Variants in MOB1A observed in about 807,000 individuals in gnomAD.
MOB1A encodes the protein MOB kinase activator 1A, also known as MOB1 Mps One Binder homolog A.
Under a neutral mutation model 25.1 loss-of-function variants are expected in MOB1A, and 10 were observed. That is an observed-to-expected ratio of 0.40 (90% CI 0.25 to 0.68). The LOEUF (loss-of-function observed/expected upper bound fraction) is 0.68, where lower values mean the gene tolerates loss of function less well. MOB1A is among the 30% of genes least tolerant of loss of function. MOB1A has a pLI of 0.40. For missense variants in MOB1A, 177 were observed against 256.3 expected (o/e 0.69, Z 2.11); for synonymous variants, 81 against 79.5 (o/e 1.02, Z -0.10).
intron 2 of MOB1A, among the ~76,000 whole-genome samples, chr2:74,171,684 C>G (rs572991131): frequency 3.3e-4 from 51 of 152,278 alleles, no homozygotes; most frequent in African/African-American, 1.1e-3. Context: ...AGGCAGATTG[C>G]CTGAGCTGAG....
intron 1 of MOB1A, among the ~76,000 whole-genome samples, chr2:74,176,089 C>CACAG (rs1693449333): frequency 2.9e-5 from 1 of 34,572 alleles, no homozygotes; most frequent in Non-Finnish European, 7.2e-5. Context: ...CTACTACACA[C>CACAG]ACACACACAC....
At chr2:74,161,053 C>A (rs1164866690) in intron 4 of MOB1A, among the ~76,000 whole-genome samples, 2 of 152,162 alleles carry the variant, frequency 1.3e-5, no homozygotes, top group East Asian at 3.9e-4. Context: ...GAGTGAGACT[C>A]CATCTCAAAA....
Position 74,171,100 on chromosome 2 carries a change from C to T in MOB1A, c.181+1486G>A, listed in dbSNP as rs528496746. Reference sequence around the variant, plus strand: ...TTCGAGACCAGCCTGGCCAACATGGCAAAACCTCCTCTCTACTAAAAATAC... The same window carrying T: ...TTCGAGACCAGCCTGGCCAACATGGTAAAACCTCCTCTCTACTAAAAATAC... On this transcript the variant is annotated intron_variant, in intron 2 of 5. Transcript: ENST00000396049. 6.6e-5 allele frequency among the ~76,000 whole-genome samples: 10 copies of T among 151,782 alleles called. No individual in the cohort carries two copies. The East Asian group carries it at 1.6e-3, about 24-fold the overall frequency.
chr2:74,165,395 A>G, intron 3 of MOB1A, 44 bp from the exon 4 acceptor site: 2 of 1,266,104 alleles, frequency 1.6e-6, no homozygotes, highest in Non-Finnish European at 2.1e-6. Context: ...CAAAAATATT[A>G]ACAAATGTGC....
chr2:74,167,907 T>C (rs1572961406), intron 2 of MOB1A, among the ~76,000 whole-genome samples: 1 of 151,930 alleles, frequency 6.6e-6, no homozygotes, highest in Non-Finnish European at 1.5e-5. Context: ...GAAGCTGAGG[T>C]AGAAGGACTG....
chr2:74,167,720 T>G (rs572489938), intron 2 of MOB1A, among the ~76,000 whole-genome samples: 10 of 152,284 alleles, frequency 6.6e-5, no homozygotes, highest in Admixed American at 6.5e-4. Flanking sequence ...ATTTAAAAGA[T>G]CTAATTAATC....
At chr2:74,176,083 T>TAAACACACACACACACACAC in intron 1 of MOB1A, among the ~76,000 whole-genome samples, 1 of 129,320 alleles carries the variant, frequency 7.7e-6, no homozygotes, top group African/African-American at 3.1e-5. Context: ...CCGCCTCTAC[T>TAAACACACACACACACACAC]ACACACACAC....
intron 1 of MOB1A, chr2:74,177,985 G>C (rs1435941531): frequency 6.6e-6 from 1 of 151,296 alleles, no homozygotes; most frequent in Non-Finnish European, 1.5e-5. Context: ...GCACTAAAAT[G>C]GCAATACTGT....
At chr2:74,167,543 C>T (rs756981678) in intron 2 of MOB1A, among the ~76,000 whole-genome samples, 4 of 152,122 alleles carry the variant, frequency 2.6e-5, no homozygotes, top group Admixed American at 1.3e-4. Context: ...TCTAACTTAA[C>T]GATGACTATT....
At chr2:74,161,082 C>A (rs772335402) in intron 4 of MOB1A, among the ~76,000 whole-genome samples, 3 of 152,110 alleles carry the variant, frequency 2.0e-5, no homozygotes, top group South Asian at 4.1e-4. Flanking sequence ...TAAAAATAAA[C>A]CTACATTAGT....
rs1445517921 is a variant in MOB1A, at chr2:74,167,141, G to C, written c.182-34C>G. 9.0e-6 allele frequency: 14 copies of C among 1,555,406 alleles called. No homozygotes were observed. The South Asian group carries it at 1.6e-4, about 18-fold the overall frequency. On this transcript the variant is annotated intron_variant, in intron 2 of 5. Coordinates refer to ENST00000396049, the MANE Select transcript of MOB1A (RefSeq NM_018221.5). ...ATAATAGAATTGTGTCAAAATGTCT[G>C]TGTAAACACAAAATATGAGACCTCC... is the stretch of plus-strand genomic sequence containing the variant.
chr2:74,176,763 CAAAAAAA>C, intron 1 of MOB1A, among the ~76,000 whole-genome samples: 1 of 88,940 alleles, frequency 1.1e-5, no homozygotes, highest in East Asian at 2.6e-4. Flanking sequence ...GACTCTGTCT[CAAAAAAA>C]AAAAAAAAGA....
At chr2:74,176,249 C>G (rs1693455902) in intron 1 of MOB1A, among the ~76,000 whole-genome samples, 1 of 114,654 alleles carries the variant, frequency 8.7e-6, no homozygotes, top group Admixed American at 1.1e-4. Flanking sequence ...GCACTCCAGC[C>G]TAGGCAACAG....
chr2:74,155,531 G>A lies in MOB1A; in HGVS notation c.*1037C>T, dbSNP rs1030671748. The A allele has an allele frequency of 6.6e-6, 1 of 152,448 alleles. No homozygotes were observed. Among genetic ancestry groups the A allele is most frequent in the African/African-American group, 2.4e-5 (1 of 41,396 alleles). 9.4% of individuals were successfully genotyped at this position (152,448 alleles called of 1,614,324 possible). On this transcript the variant is annotated 3_prime_UTR_variant, in exon 6 of 6. Transcript: ENST00000396049. Reference sequence around the variant, plus strand: ...CATGGTTTATTGTGGTTTTCCTTAAGTTTTATCCTTATTAGGATGAAGTTC... The same window carrying A: ...CATGGTTTATTGTGGTTTTCCTTAAATTTTATCCTTATTAGGATGAAGTTC...
In MOB1A at chr2:74,168,674, G is replaced by T. The variant is rs75658810; in HGVS notation, c.182-1567C>A. Among the ~76,000 whole-genome samples the T allele has an allele frequency of 4.9e-3, 740 of 152,228 alleles. 8 individuals are homozygous for T. Among genetic ancestry groups the T allele is most frequent in the African/African-American group, 0.017 (702 of 41,554 alleles). ...AAAAAGTTTTAGTCTCCTGTCTAAA[G>T]AAGTACCTAAAAACAACTAGGTATT... On this transcript the variant is annotated intron_variant, in intron 2 of 5. Transcript: ENST00000396049.
chr2:74,177,100 G>GTC (rs1693496352), intron 1 of MOB1A, among the ~76,000 whole-genome samples: 1 of 152,080 alleles, frequency 6.6e-6, no homozygotes, highest in Admixed American at 6.5e-5. Context: ...ATCATCTGAG[G>GTC]TCAGGAGTTC....
intron 2 of MOB1A, 131 bp from the exon 3 acceptor site, chr2:74,167,238 A>G: frequency 3.1e-6 from 2 of 652,920 alleles, no homozygotes; most frequent in Non-Finnish European, 5.5e-6. Context: ...ATCCAATGAT[A>G]CTGTAACTTG....
chr2:74,178,660 C>A lies in MOB1A; in HGVS notation c.14+1G>T. The A allele has an allele frequency of 7.3e-7, 1 of 1,370,628 alleles. No homozygotes were observed. 84.9% of individuals were successfully genotyped at this position (1,370,628 alleles called of 1,614,324 possible). A position where few individuals can be genotyped will look rare whatever the true frequency, so the allele number is the denominator to read the frequency against. On this transcript the variant is annotated splice_donor_variant, in intron 1 of 5. Transcript: ENST00000396049. LOFTEE classifies it high-confidence loss of function. Reference sequence around the variant, plus strand: ...GGCGCCCGCGGCCCGACCCCACTCACAAGAGGAAGCTCATCTTCGGTCCTC... The same window carrying A: ...GGCGCCCGCGGCCCGACCCCACTCAAAAGAGGAAGCTCATCTTCGGTCCTC...
Position 74,173,236 on chromosome 2 carries a change from A to C in MOB1A, c.15-484T>G, listed in dbSNP as rs144362845. On this transcript the variant is annotated intron_variant, in intron 1 of 5. Coordinates refer to ENST00000396049, the MANE Select transcript of MOB1A (RefSeq NM_018221.5). Reference sequence around the variant, plus strand: ...CCCTGCCTGTAAAAGCAAGATTAGCAGCACAATTCCACAAATAAGGCAATT... The same window carrying C: ...CCCTGCCTGTAAAAGCAAGATTAGCCGCACAATTCCACAAATAAGGCAATT... The C allele has an allele frequency of 2.5e-3, 1,310 of 517,068 alleles. 8 individuals are homozygous for C. The highest frequency in any genetic ancestry group is 4.1e-3 in the Non-Finnish European group (1,064 of 259,062). The allele number at this position is 517,068 out of a possible 1,614,324, so 32.0% of individuals were successfully genotyped here. A position where few individuals can be genotyped will look rare whatever the true frequency, so the allele number is the denominator to read the frequency against.
Sources: gnomAD v4.1 joint callset for allele counts (sites outside exome capture counted in the v4.1 genomes callset) on GRCh38, gnomAD v4.1.1 for gene constraint, MANE v1.5 for transcripts, NCBI Gene and HGNC (gene_info 2026-07-23, HGNC 2026-07-21) for gene names.